Variants in GRIP2 observed in about 807,000 individuals in gnomAD.
The protein encoded by GRIP2 is glutamate receptor interacting protein 2, also known as glutamate receptor-interacting protein 2.
A neutral mutation model predicts 108.3 loss-of-function variants in GRIP2; 58 were observed. The observed-to-expected ratio is 0.54, with a 90% CI of 0.43 to 0.67. GRIP2 has a LOEUF of 0.67. GRIP2 is among the 30% of genes least tolerant of loss of function. GRIP2 has a pLI of 0.00. For missense variants in GRIP2, 1,278 were observed against 1,430.6 expected (o/e 0.89, Z 1.72); for synonymous variants, 586 against 598.2 (o/e 0.98, Z 0.30).
chr3:14,591,555 G>C, the GRIP2 span, among the ~76,000 whole-genome samples: 6 of 152,050 alleles, frequency 3.9e-5, no homozygotes, highest in African/African-American at 1.5e-4. Flanking sequence ...AATGCAACAG[G>C]GGCTTAATAA....
In GRIP2 at chr3:14,514,393, G is replaced by A. The variant is rs1400966856; in HGVS notation, c.1392C>T (p.Leu464=). The stretch of plus-strand genomic sequence containing the variant: ...CCTGGAGCTGGAGGCCAAAGCCGCT[G>A]AGGGGGTCTCCACAGAGCACGACCT... ...TTEVVLCGDP[L]SGFGLQLQGG... Residue 464 remains leucine, a synonymous_variant, in exon 12 of 24, where the codon CTC becomes CTT. Coordinates refer to ENST00000621039, the MANE Select transcript of GRIP2 (RefSeq NM_001080423.4). 1 of 1,574,582 alleles carries A rather than the reference G, an allele frequency of 6.4e-7. No individual in the cohort carries two copies.
the GRIP2 span, among the ~76,000 whole-genome samples, chr3:14,584,424 C>T: frequency 3.9e-5 from 6 of 152,214 alleles, no homozygotes; most frequent in South Asian, 2.1e-4. Flanking sequence ...CGACCCCCAT[C>T]GCTGCCCCAG....
At position 14,493,604 on chromosome 3, in the gene GRIP2, C is replaced by T. The variant is rs769624099; in HGVS notation, c.*61G>A. 71 of 1,487,518 alleles carry T rather than the reference C, an allele frequency of 4.8e-5. No homozygotes were observed. Among genetic ancestry groups the T allele is most frequent in the Non-Finnish European group, 5.9e-5 (66 of 1,109,870 alleles). 92.1% of individuals were successfully genotyped at this position (1,487,518 alleles called of 1,614,324 possible). ...GGTGGCCGCTTCTCCAGCCCAGCTACGTGTCTGGGAGCCAGGATCTGCCTG... is the reference window on the plus strand; with the variant it reads ...GGTGGCCGCTTCTCCAGCCCAGCTATGTGTCTGGGAGCCAGGATCTGCCTG... On this transcript the variant is annotated 3_prime_UTR_variant, in exon 24 of 24. Transcript: ENST00000621039.
At chr3:14,503,950 A>G (rs1693844162) in intron 20 of GRIP2, 1 of 465,396 alleles carries the variant, frequency 2.1e-6, no homozygotes. Flanking sequence ...GTGACACAGG[A>G]TGCCTAGGAA....
At chr3:14,551,492 G>A (rs1695148794) in intron 1 of GRIP2, among the ~76,000 whole-genome samples, 1 of 152,192 alleles carries the variant, frequency 6.6e-6, no homozygotes, top group Non-Finnish European at 1.5e-5. Context: ...ATGGGGTATG[G>A]ATGGAGGTGA....
intron 1 of GRIP2, among the ~76,000 whole-genome samples, chr3:14,539,963 A>T (rs529138010): frequency 6.6e-6 from 1 of 152,110 alleles, no homozygotes; most frequent in African/African-American, 2.4e-5. Context: ...CTTCGCTCAC[A>T]CCCAGATAGG....
intron 1 of GRIP2, among the ~76,000 whole-genome samples, chr3:14,536,794 C>T (rs975563434): frequency 6.6e-6 from 1 of 152,222 alleles, no homozygotes. Context: ...CATTCAGTTT[C>T]CCAATGGCGG....
intron 5 of GRIP2, 180 bp downstream of exon 5, chr3:14,523,432 C>A (rs1161119772): frequency 1.7e-5 from 10 of 602,736 alleles, no homozygotes; most frequent in Non-Finnish European, 2.7e-5. Flanking sequence ...TCTCCCCAAC[C>A]AAGCCTACTT....
chr3:14,535,638 A>G (rs959534101), intron 1 of GRIP2, among the ~76,000 whole-genome samples: 1 of 152,320 alleles, frequency 6.6e-6, no homozygotes, highest in East Asian at 1.9e-4. Flanking sequence ...ATATCCCATG[A>G]TAAAGGGCAG....
chr3:14,503,982 C>A (rs564377825), intron 20 of GRIP2: 2 of 385,324 alleles, frequency 5.2e-6, no homozygotes, highest in South Asian at 2.8e-5. Context: ...GACAAACAGA[C>A]GAACAGACAG....
chr3:14,599,753 A>G, the GRIP2 span, among the ~76,000 whole-genome samples: 1 of 150,074 alleles, frequency 6.7e-6, no homozygotes, highest in African/African-American at 2.5e-5. Context: ...GTCTCTGCAC[A>G]ATCAGAAAAA....
the GRIP2 span, among the ~76,000 whole-genome samples, chr3:14,565,865 C>A: frequency 6.6e-6 from 1 of 152,200 alleles, no homozygotes; most frequent in Non-Finnish European, 1.5e-5. Context: ...AGCACAGCCC[C>A]CATCCTGCCA....
intron 22 of GRIP2, among the ~76,000 whole-genome samples, chr3:14,496,001 C>T (rs1693590526): frequency 6.6e-6 from 1 of 151,918 alleles, no homozygotes; most frequent in South Asian, 2.1e-4. Flanking sequence ...AAAAATTAGC[C>T]AGGTGTAGTG....
At chr3:14,523,410 T>C (rs1694466020) in intron 5 of GRIP2, 2 of 585,006 alleles carry the variant, frequency 3.4e-6, no homozygotes, top group East Asian at 5.7e-5. Context: ...CGGTACAACT[T>C]TCTCCTCTCA....
intron 17 of GRIP2, among the ~76,000 whole-genome samples, chr3:14,508,900 A>G (rs1214962626): frequency 6.6e-6 from 1 of 152,158 alleles, no homozygotes; most frequent in Non-Finnish European, 1.5e-5. Context: ...ATTATATTTC[A>G]GTTGGACAGC....
the GRIP2 span, among the ~76,000 whole-genome samples, chr3:14,599,317 G>C: frequency 6.6e-6 from 1 of 152,166 alleles, no homozygotes; most frequent in South Asian, 2.1e-4. Flanking sequence ...GAGACAGAAA[G>C]GGCCAGCATA....
At chr3:14,580,497 A>AGGGCAACATAGTT in the GRIP2 span, among the ~76,000 whole-genome samples, 1 of 152,194 alleles carries the variant, frequency 6.6e-6, no homozygotes. Context: ...GGAGTTCCAG[A>AGGGCAACATAGTT]CCAGCCTGGG....
upstream of GRIP2, among the ~76,000 whole-genome samples, chr3:14,543,219 C>A (rs907257132): frequency 6.6e-6 from 1 of 152,200 alleles, no homozygotes; most frequent in Non-Finnish European, 1.5e-5. Flanking sequence ...GTCTGAGGAC[C>A]AGCAGCATCT....
the GRIP2 span, among the ~76,000 whole-genome samples, chr3:14,598,342 AGG>A: frequency 1.6e-5 from 2 of 124,882 alleles, no homozygotes; most frequent in African/African-American, 3.1e-5. Flanking sequence ...TGGGTACCAC[AGG>A]GGGACACACA....
Sources: allele counts gnomAD v4.1 joint callset (sites outside exome capture counted in the v4.1 genomes callset), GRCh38; gene constraint gnomAD v4.1.1; transcripts MANE v1.5; gene names NCBI Gene and HGNC (gene_info 2026-07-23, HGNC 2026-07-21).